The following OR6K3 variants were observed in gnomAD, a reference collection of about 807,000 sequenced individuals.
OR6K3 encodes the protein olfactory receptor family 6 subfamily K member 3.
For synonymous variants in OR6K3, 169 were observed against 137.7 expected, an observed-to-expected ratio of 1.23 and a Z score of -1.59; for missense variants, 396 against 382.5, an observed-to-expected ratio of 1.04 and a Z score of -0.29.
In OR6K3 at chr1:158,717,337, C is replaced by T. The variant is rs145239299; in HGVS notation, c.779G>A (p.Arg260His). 8.1e-5 allele frequency: 131 copies of T among 1,613,694 alleles called. 1 individual carries two copies. Among genetic ancestry groups the T allele is most frequent in the Admixed American group, 6.8e-4 (41 of 59,962 alleles). ...FFGSVSLMYL[R>H]FSDTYPPVLD... ...AACTGGTGGATAAGTGTCGCTGAAA[C>T]GCAAGTACATGAGTGATACACTGCC... Residue 260 changes from arginine to histidine, a missense_variant, in exon 2 of 2, where the codon CGT (arginine) becomes CAT (histidine). Coordinates refer to ENST00000368145, the MANE Select transcript of OR6K3 (RefSeq NM_001005327.3).
upstream of OR6K3, among the ~76,000 whole-genome samples, chr1:158,721,264 A>AT (rs1162898386): frequency 2.0e-5 from 3 of 151,986 alleles, no homozygotes; most frequent in Non-Finnish European, 4.4e-5. Context: ...GTGAGTGTGT[A>AT]TGGGTCTTTC....
At chr1:158,721,690 C>T (rs967681955), upstream of OR6K3, among the ~76,000 whole-genome samples, 4 of 151,578 alleles carry the variant, frequency 2.6e-5, 1 homozygote, top group South Asian at 8.3e-4. Flanking sequence ...TTATTTTCCT[C>T]TGTTTTGTTT....
chr1:158,717,945 G>A lies in OR6K3; in HGVS notation c.171C>T (p.Asn57=), dbSNP rs749553946. The A allele has an allele frequency of 3.1e-6, 5 of 1,613,618 alleles. No homozygotes were observed. The highest frequency in any genetic ancestry group is 4.2e-6 in the Non-Finnish European group (5 of 1,179,704). ...ATATACTGATAAAATTATACATGGG[G>A]TTGTGGAGATGGGTGTCCAGCCTTA... ...SAVRLDTHLH[N]PMYNFISIFS... Residue 57 remains asparagine, a synonymous_variant, in exon 2 of 2, where the codon AAC becomes AAT. Transcript: ENST00000368145.
upstream of OR6K3, among the ~76,000 whole-genome samples, chr1:158,723,543 G>A (rs1322014934): frequency 6.6e-6 from 1 of 152,002 alleles, no homozygotes; most frequent in Non-Finnish European, 1.5e-5. Context: ...TTTTGCACAA[G>A]CTCTGTGTTT....
At chr1:158,721,207 A>G (rs1166005944), upstream of OR6K3, among the ~76,000 whole-genome samples, 1 of 152,010 alleles carries the variant, frequency 6.6e-6, no homozygotes, top group Admixed American at 6.6e-5. Context: ...TAGTGCCAAT[A>G]CTGAAGAAAG....
rs753187613 is a variant in OR6K3 at position 158,717,390 on chromosome 1, G to T, written c.726C>A (p.Gly242=). 6.2e-7 allele frequency: 1 copy of T among 1,613,666 alleles called. No individual in the cohort carries two copies. Among genetic ancestry groups the T allele is most frequent in the Non-Finnish European group, 8.5e-7 (1 of 1,179,726 alleles). Residue 242 remains glycine, a synonymous_variant, in exon 2 of 2, where the codon GGC becomes GGA. Coordinates refer to ENST00000368145, the MANE Select transcript of OR6K3 (RefSeq NM_001005327.3). ...GRQKAFSTCA[G]HLMVFPIFFG... is the part of the protein sequence containing the mutation. ...AGAATATCGGGAAGACCATGAGGTG[G>T]CCTGCACAGGTAGAAAAAGCCTTTT...
chr1:158,719,102 G>A (rs141778232), intron 1 of OR6K3, among the ~76,000 whole-genome samples: 102 of 152,096 alleles, frequency 6.7e-4, no homozygotes, highest in African/African-American at 2.4e-3. Context: ...TTGAGACTTT[G>A]TTCCTCTGTT....
rs1445529307 is a variant in OR6K3 at position 158,717,026 on chromosome 1, G to A, written c.*142C>T. ...GCGGCTACTAGGGAGGCTGAGGCAG[G>A]AGAATTGTTCAAAACCAGGAGGTGG... On this transcript the variant is annotated 3_prime_UTR_variant, in exon 2 of 2. Transcript: ENST00000368145. 7.6e-6 allele frequency: 5 copies of A among 659,740 alleles called. No individual in the cohort carries two copies. The highest frequency in any genetic ancestry group is 7.3e-5 in the African/African-American group (4 of 55,076). 40.9% of individuals were successfully genotyped at this position (659,740 alleles called of 1,614,324 possible).
chr1:158,722,771 G>T (rs890562610), upstream of OR6K3, among the ~76,000 whole-genome samples: 1 of 151,794 alleles, frequency 6.6e-6, no homozygotes, highest in Non-Finnish European at 1.5e-5. Context: ...ACTTAATTTT[G>T]ATTTTTGTTT....
Position 158,717,087 on chromosome 1 carries a change from C to A in OR6K3, c.*81G>T, listed in dbSNP as rs568314816. The A allele has an allele frequency of 1.8e-5, 18 of 983,550 alleles. No individual in the cohort carries two copies. The highest frequency in any genetic ancestry group is 2.7e-5 in the Non-Finnish European group (17 of 639,810). 60.9% of individuals were successfully genotyped at this position (983,550 alleles called of 1,614,324 possible). A position where few individuals can be genotyped will look rare whatever the true frequency, so the allele number is the denominator to read the frequency against. On this transcript the variant is annotated 3_prime_UTR_variant, in exon 2 of 2. Coordinates refer to ENST00000368145, the MANE Select transcript of OR6K3 (RefSeq NM_001005327.3). ...GAGCCAAGATCATGCCATTGCACTC[C>A]AGCCCAGGCAACAAGAGTGAAACTC...
At position 158,718,140 on chromosome 1, in the gene OR6K3, T is replaced by A. The variant is rs192312283; in HGVS notation, c.-17-8A>T. 4.9e-6 allele frequency: 7 copies of A among 1,437,662 alleles called. No homozygotes were observed. Among genetic ancestry groups the A allele is most frequent in the Non-Finnish European group, 5.8e-6 (6 of 1,028,496 alleles). 89.1% of individuals were successfully genotyped at this position (1,437,662 alleles called of 1,614,324 possible). A position where few individuals can be genotyped will look rare whatever the true frequency, so the allele number is the denominator to read the frequency against. On this transcript the variant is annotated splice_polypyrimidine_tract_variant and splice_region_variant and intron_variant, in intron 1 of 1. Coordinates refer to ENST00000368145, the MANE Select transcript of OR6K3 (RefSeq NM_001005327.3). Reference sequence around the variant, plus strand: ...TATTTCTAGTAGAGCTACCTGTAAATGGAGAGGGCATAGTCCAGCACATGA... The same window carrying A: ...TATTTCTAGTAGAGCTACCTGTAAAAGGAGAGGGCATAGTCCAGCACATGA...
chr1:158,717,895 G>A lies in OR6K3; in HGVS notation c.221C>T (p.Thr74Ile). 2 of 1,613,618 alleles carry A rather than the reference G, an allele frequency of 1.2e-6. No homozygotes were observed. The highest frequency in any genetic ancestry group is 2.2e-5 in the East Asian group (1 of 44,840). ...GAGCATCTTGGGAATGGTGGCTGTG[G>A]TGTACCAGATCTCCAGAAAGGAAAA... The part of the protein sequence containing the change: ...SIFSFLEIWY[T>I]TATIPKMLSN... Residue 74 changes from threonine (T) to isoleucine (I), a missense_variant, in exon 2 of 2, where the codon ACC (threonine) becomes ATC (isoleucine). By Grantham distance (89) the Thr-to-Ile change is moderately conservative. Transcript: ENST00000368145.
chr1:158,721,394 A>T (rs1328513434), upstream of OR6K3, among the ~76,000 whole-genome samples: 1 of 151,944 alleles, frequency 6.6e-6, no homozygotes, highest in Non-Finnish European at 1.5e-5. Context: ...GAAATTGCAA[A>T]GTTCTCATTT....
At chr1:158,721,336 T>C (rs544274101), upstream of OR6K3, among the ~76,000 whole-genome samples, 9 of 152,126 alleles carry the variant, frequency 5.9e-5, no homozygotes, top group Non-Finnish European at 1.3e-4. Flanking sequence ...TATCTCATCT[T>C]TTCTACAAGA....
rs1372329564 is a variant in OR6K3 at position 158,717,100 on chromosome 1, A to T, written c.*68T>A. On this transcript the variant is annotated 3_prime_UTR_variant, in exon 2 of 2. Transcript: ENST00000368145. ...GCCATTGCACTCCAGCCCAGGCAAC[A>T]AGAGTGAAACTCCATCTCAAAAAAC... 4.5e-6 allele frequency: 5 copies of T among 1,101,330 alleles called. No individual in the cohort carries two copies. Among genetic ancestry groups the T allele is most frequent in the Non-Finnish European group, 6.7e-6 (5 of 743,192 alleles). The allele number at this position is 1,101,330 out of a possible 1,614,324, so 68.2% of individuals were successfully genotyped here.
chr1:158,721,334 C>A (rs576889127), upstream of OR6K3, among the ~76,000 whole-genome samples: 4 of 152,094 alleles, frequency 2.6e-5, no homozygotes, highest in African/African-American at 9.6e-5. Flanking sequence ...AATATCTCAT[C>A]TTTTCTACAA....
At position 158,716,944 on chromosome 1, in the gene OR6K3, C is replaced by T. The variant is rs1224428541; in HGVS notation, c.*224G>A. ...ACCAGCCTGACCAACACAGTGAAAC[C>T]CCATCTCCACTAAAAATACAAAAAT... On this transcript the variant is annotated 3_prime_UTR_variant, in exon 2 of 2. Transcript: ENST00000368145. The T allele has an allele frequency of 4.7e-5, 20 of 423,464 alleles. No individual in the cohort carries two copies. The highest frequency in any genetic ancestry group is 4.3e-6 in the Non-Finnish European group (1 of 231,092). The allele number at this position is 423,464 out of a possible 1,614,324, so 26.2% of individuals were successfully genotyped here. A position where few individuals can be genotyped will look rare whatever the true frequency, so the allele number is the denominator to read the frequency against.
chr1:158,722,269 T>C (rs893677932), upstream of OR6K3, among the ~76,000 whole-genome samples: 2 of 152,076 alleles, frequency 1.3e-5, no homozygotes, highest in Non-Finnish European at 1.5e-5. Context: ...TATCTAAATA[T>C]GCACAGCAAA....
chr1:158,717,849 C>T lies in OR6K3; in HGVS notation c.267G>A (p.Lys89=). 6.2e-7 allele frequency: 1 copy of T among 1,613,802 alleles called. No individual in the cohort carries two copies. The highest frequency in any genetic ancestry group is 2.2e-5 in the East Asian group (1 of 44,852). ...TGCAGCCAGTCATTGAGATGGCCTT[C>T]TTTTCACTGATGAGGTTGGAGAGCA... The part of the protein sequence containing the change: ...PKMLSNLISE[K]KAISMTGCIL... Residue 89 remains lysine, a synonymous_variant, in exon 2 of 2, where the codon AAG becomes AAA. Transcript: ENST00000368145.
Sources: allele counts gnomAD v4.1 joint callset (sites outside exome capture counted in the v4.1 genomes callset), GRCh38; gene constraint gnomAD v4.1.1; transcripts MANE v1.5; gene names NCBI Gene and HGNC (gene_info 2026-07-23, HGNC 2026-07-21).